FAM178B: variants seen among roughly 807,000 people sequenced by gnomAD.
The protein encoded by FAM178B is protein FAM178B.
FAM178B carries 82 observed loss-of-function variants against 91.7 expected under a neutral mutation model. That is an observed-to-expected ratio of 0.89 (90% CI 0.75 to 1.07). The LOEUF is 1.07. FAM178B is among the 50% of genes least tolerant of loss of function. The probability of loss-of-function intolerance (pLI) is 0.00; values close to 1 mark genes in which losing one functional copy is unlikely to be tolerated. For missense variants in FAM178B, 769 were observed against 846.7 expected (o/e 0.91, Z 1.14); for synonymous variants, 368 against 359.4 (o/e 1.02, Z -0.27).
rs78254225 is a variant in FAM178B at position 96,933,667 on chromosome 2, C to T, written c.1079-4347G>A. Among the ~76,000 whole-genome samples, 564 of 152,332 alleles carry T rather than the reference C, an allele frequency of 3.7e-3. 2 individuals are homozygous for T. Among genetic ancestry groups the T allele is most frequent in the African/African-American group, 0.013 (552 of 41,574 alleles). ...TGGGTCTGCAGGCTCCATTCTTATC[C>T]TCCCCAACCCCCAAATCAAACAGCT... On this transcript the variant is annotated intron_variant, in intron 8 of 16. Transcript: ENST00000490605.
chr2:96,899,853 T>G (rs1298211664), intron 13 of FAM178B, among the ~76,000 whole-genome samples: 2 of 51,924 alleles, frequency 3.9e-5, no homozygotes, highest in Non-Finnish European at 5.9e-5. Flanking sequence ...TCCCCACTCT[T>G]TTTTTTTTTT....
At position 96,935,422 on chromosome 2, in the gene FAM178B, C is replaced by T. The variant is rs145035803; in HGVS notation, c.1079-6102G>A. ...CTATTACGGCTCAGCTCCAGGCAAT[C>T]GCCTTCTCACTTGGCCACCTAAGCA... On this transcript the variant is annotated intron_variant, in intron 8 of 16. Coordinates refer to ENST00000490605, the MANE Select transcript of FAM178B (RefSeq NM_001122646.3). 2.6e-3 allele frequency among the ~76,000 whole-genome samples: 403 copies of T among 152,190 alleles called. 17 individuals are homozygous for T. In the East Asian group the frequency reaches 0.045, roughly 17 times the overall value.
At chr2:96,961,311 G>GT (rs1186096777) in intron 5 of FAM178B, among the ~76,000 whole-genome samples, 1 of 75,108 alleles carries the variant, frequency 1.3e-5, no homozygotes, top group Non-Finnish European at 2.8e-5. Context: ...CAGCAGCAGA[G>GT]GGTGTGTGTG....
intron 5 of FAM178B, among the ~76,000 whole-genome samples, chr2:96,966,367 T>TA (rs751466990): frequency 3.6e-4 from 54 of 152,062 alleles, no homozygotes; most frequent in Non-Finnish European, 7.2e-4. Context: ...CCCACATGAT[T>TA]AGAGCCCACA....
chr2:96,909,053 G>C (rs1016757047), intron 12 of FAM178B, among the ~76,000 whole-genome samples: 8 of 148,588 alleles, frequency 5.4e-5, no homozygotes, highest in African/African-American at 2.0e-4. Context: ...TGAGGCAGGA[G>C]AATCACTTGA....
intron 6 of FAM178B, among the ~76,000 whole-genome samples, chr2:96,959,524 G>A (rs2082050791): frequency 2.0e-5 from 3 of 152,128 alleles, no homozygotes; most frequent in African/African-American, 4.8e-5. Context: ...TAAGGTGGCC[G>A]AAGAGACCAC....
intron 14 of FAM178B, among the ~76,000 whole-genome samples, chr2:96,885,442 G>C (rs1038907570): frequency 6.6e-6 from 1 of 152,226 alleles, no homozygotes; most frequent in African/African-American, 2.4e-5. Context: ...CCTGGGGCCT[G>C]GGCCCTGAGC....
intron 1 of FAM178B, among the ~76,000 whole-genome samples, chr2:96,974,381 CAAAAAAAAA>C (rs1171601429): frequency 6.2e-5 from 1 of 16,254 alleles, no homozygotes; most frequent in African/African-American, 2.8e-4. Flanking sequence ...GACTCCATCT[CAAAAAAAAA>C]AAAAAAAAAA....
chr2:96,937,211 G>A (rs531894798), intron 8 of FAM178B, among the ~76,000 whole-genome samples: 1 of 108,990 alleles, frequency 9.2e-6, no homozygotes, highest in South Asian at 2.3e-4. Flanking sequence ...GCACATGTTG[G>A]AATCACTTAG....
In FAM178B at chr2:96,971,976, C is replaced by T. The variant is rs752670416; in HGVS notation, c.489G>A (p.Pro163=). The change falls in exon 3 of 17, where the codon CCG becomes CCA. Residue 163 remains proline (P), a synonymous_variant. Coordinates refer to ENST00000490605, the MANE Select transcript of FAM178B (RefSeq NM_001122646.3). ...ELEQEHLDLD[P]KRGLALPEKL... is the part of the protein sequence containing the mutation. ...TCTCTGGCAAGGCCAGGCCCCTCTT[C>T]GGGTCCAAGTCCAGGTGTTCCTGCT... The T allele has an allele frequency of 1.1e-4, 172 of 1,562,058 alleles. No homozygotes were observed. Among genetic ancestry groups the T allele is most frequent in the Middle Eastern group, 3.3e-4 (2 of 6,026 alleles).
intron 14 of FAM178B, among the ~76,000 whole-genome samples, chr2:96,891,878 CA>C (rs1331953356): frequency 6.6e-6 from 1 of 152,200 alleles, no homozygotes; most frequent in Non-Finnish European, 1.5e-5. Context: ...TCAGCAGCCC[CA>C]ACGCTGGGAA....
intron 3 of FAM178B, among the ~76,000 whole-genome samples, chr2:96,971,105 A>G (rs1574318023): frequency 6.6e-6 from 1 of 152,056 alleles, no homozygotes; most frequent in East Asian, 1.9e-4. Context: ...CTTATCCTGC[A>G]CCAGGCTCTA....
At chr2:96,965,470 T>G (rs1382723107) in intron 5 of FAM178B, among the ~76,000 whole-genome samples, 1 of 151,644 alleles carries the variant, frequency 6.6e-6, no homozygotes, top group Non-Finnish European at 1.5e-5. Context: ...CCCCCCATTT[T>G]TTTTTTTTAA....
chr2:96,937,713 G>T (rs2081656037), intron 8 of FAM178B, among the ~76,000 whole-genome samples: 1 of 152,160 alleles, frequency 6.6e-6, no homozygotes, highest in African/African-American at 2.4e-5. Flanking sequence ...CCTCTGATCA[G>T]AGTCTAAAAG....
intron 8 of FAM178B, among the ~76,000 whole-genome samples, chr2:96,946,794 G>T (rs1295286236): frequency 6.6e-6 from 1 of 152,254 alleles, no homozygotes; most frequent in East Asian, 1.9e-4. Context: ...TGCATCGGGG[G>T]CTACAGGGGC....
intron 8 of FAM178B, among the ~76,000 whole-genome samples, chr2:96,935,476 G>A (rs913317460): frequency 6.6e-6 from 1 of 152,046 alleles, no homozygotes; most frequent in Non-Finnish European, 1.5e-5. Context: ...TAAGGATACA[G>A]GGCTCCCTCA....
intron 12 of FAM178B, among the ~76,000 whole-genome samples, chr2:96,906,343 A>G (rs2081055584): frequency 2.6e-5 from 4 of 151,788 alleles, no homozygotes; most frequent in Admixed American, 2.6e-4. Flanking sequence ...CTGGGATCAC[A>G]GGCATGTACC....
chr2:96,961,520 C>T (rs182687137), intron 5 of FAM178B, among the ~76,000 whole-genome samples: 3 of 152,288 alleles, frequency 2.0e-5, no homozygotes, highest in Admixed American at 2.0e-4. Context: ...CTATGTTCTG[C>T]TTCATTTTAT....
chr2:96,969,632 C>G, intron 4 of FAM178B, among the ~76,000 whole-genome samples: 1 of 152,182 alleles, frequency 6.6e-6, no homozygotes, highest in Non-Finnish European at 1.5e-5. Flanking sequence ...TATTTTCAAG[C>G]GTCTACTAAA....
Sources: allele counts gnomAD v4.1 joint callset (sites outside exome capture counted in the v4.1 genomes callset), GRCh38; gene constraint gnomAD v4.1.1; transcripts MANE v1.5; gene names NCBI Gene and HGNC (gene_info 2026-07-23, HGNC 2026-07-21).